FAM227A: variants seen among roughly 807,000 people sequenced by gnomAD.
FAM227A encodes protein FAM227A.
Under a neutral mutation model 74.7 loss-of-function variants are expected in FAM227A, and 80 were observed. The ratio of observed to expected loss-of-function variants is 1.07; its 90% confidence interval spans 0.89 to 1.29. The LOEUF is 1.29. FAM227A is among the 50% of genes most tolerant of loss of function. The probability of loss-of-function intolerance (pLI) is 0.00; values close to 1 mark genes in which losing one functional copy is unlikely to be tolerated. For synonymous variants in FAM227A, 237 were observed against 241.8 expected (o/e 0.98, Z 0.19); for missense variants, 654 against 683.4 (o/e 0.96, Z 0.48).
At chr22:38,606,638 T>C (rs560643208) in intron 12 of FAM227A, among the ~76,000 whole-genome samples, 1 of 152,310 alleles carries the variant, frequency 6.6e-6, no homozygotes, top group South Asian at 2.1e-4. Context: ...CCAGGGCGAA[T>C]TGCCAGGGGA....
intron 9 of FAM227A, among the ~76,000 whole-genome samples, chr22:38,623,616 T>C (rs577583263): frequency 2.0e-5 from 3 of 152,282 alleles, no homozygotes; most frequent in African/African-American, 7.2e-5. Context: ...GACCCTGCCC[T>C]ACGTGTCAGC....
Position 38,583,173 on chromosome 22 carries a change from T to TA in FAM227A, c.*2951_*2952insT. ...CGTTCTGGTTTCAGAAGACTATACT[T>TA]TTTTTTTTTTTTTTTTGAGATGGAG... On this transcript the variant is annotated 3_prime_UTR_variant, in exon 17 of 17. Transcript: ENST00000535113. 1 of 260,568 alleles carries TA rather than the reference T, an allele frequency of 3.8e-6. No individual in the cohort carries two copies. Among genetic ancestry groups the TA allele is most frequent in the South Asian group, 6.8e-5 (1 of 14,746 alleles). 16.1% of individuals were successfully genotyped at this position (260,568 alleles called of 1,614,324 possible).
intron 11 of FAM227A, among the ~76,000 whole-genome samples, chr22:38,616,154 G>A (rs574188394): frequency 6.6e-6 from 1 of 152,302 alleles, no homozygotes; most frequent in Admixed American, 6.5e-5. Flanking sequence ...AGCCAGTGAG[G>A]AAGGAAAACA....
At chr22:38,593,901 C>T (rs988457030) in intron 15 of FAM227A, among the ~76,000 whole-genome samples, 5 of 151,680 alleles carry the variant, frequency 3.3e-5, no homozygotes, top group South Asian at 2.1e-4. Flanking sequence ...CATGTTGGCC[C>T]GGCTGGTCTC....
chr22:38,650,061 C>A lies in FAM227A; in HGVS notation c.108G>T (p.Lys36Asn). Residue 36 changes from lysine (K) to asparagine (N), a missense_variant, in exon 2 of 17, where the codon AAG becomes AAT. Coordinates refer to ENST00000535113, the MANE Select transcript of FAM227A (RefSeq NM_001013647.2). ...VSLVARNTMV[K>N]TVRKELENNP... ...TGTTCTCTAACTCCTTCCTCACAGT[C>A]TTCACCATTGTATTCCGTGCGACAA... The A allele has an allele frequency of 6.4e-7, 1 of 1,552,216 alleles. No homozygotes were observed. The highest frequency in any genetic ancestry group is 1.4e-5 in the African/African-American group (1 of 73,154).
intron 15 of FAM227A, among the ~76,000 whole-genome samples, chr22:38,595,210 G>A (rs1165739137): frequency 6.6e-6 from 1 of 152,206 alleles, no homozygotes; most frequent in Non-Finnish European, 1.5e-5. Flanking sequence ...ATGGATAGCT[G>A]TCTAGCCAAT....
At chr22:38,591,397 G>C (rs747874122) in intron 16 of FAM227A, 38 bp downstream of exon 16, 15 of 1,540,704 alleles carry the variant, frequency 9.7e-6, no homozygotes, top group Non-Finnish European at 1.7e-6. Flanking sequence ...GTTTTTGTTC[G>C]AACAACCCTT....
At chr22:38,607,176 C>CAAAAA (rs528873313) in intron 12 of FAM227A, among the ~76,000 whole-genome samples, 1 of 55,604 alleles carries the variant, frequency 1.8e-5, no homozygotes, top group Non-Finnish European at 4.0e-5. Flanking sequence ...GACTTCATCT[C>CAAAAA]AAAAAAAAAA....
At chr22:38,606,945 G>A (rs1286471342) in intron 12 of FAM227A, among the ~76,000 whole-genome samples, 1 of 152,136 alleles carries the variant, frequency 6.6e-6, no homozygotes, top group Non-Finnish European at 1.5e-5. Flanking sequence ...TTGAGAGGCC[G>A]AGGCGGGAGG....
At chr22:38,628,956 G>T (rs5995602) in intron 6 of FAM227A, 21 bp from the exon 7 acceptor site, 1,216,762 of 1,286,248 alleles carry the variant, frequency 0.95, 575,791 homozygotes, top group African/African-American at 0.99. Context: ...AAAATTCACA[G>T]TATTATTATT....
chr22:38,646,248 CTTTTTTTTTTTTTTTTTTTT>C (rs1165890437), intron 2 of FAM227A, among the ~76,000 whole-genome samples: 1 of 82,394 alleles, frequency 1.2e-5, no homozygotes, highest in Non-Finnish European at 2.2e-5. Flanking sequence ...TCCAGTATTT[CTTTTTTTTTTTTTTTTTTTT>C]TTTTTTTTTG....
intron 11 of FAM227A, among the ~76,000 whole-genome samples, chr22:38,615,431 G>A (rs2146325133): frequency 6.6e-6 from 1 of 152,338 alleles, no homozygotes; most frequent in East Asian, 1.9e-4. Context: ...GACAGAGGCT[G>A]GCAGTCAGGG....
chr22:38,601,050 T>C (rs969677560), intron 13 of FAM227A, among the ~76,000 whole-genome samples: 1 of 152,158 alleles, frequency 6.6e-6, no homozygotes, highest in Non-Finnish European at 1.5e-5. Flanking sequence ...AAATATGTAT[T>C]GAGTGATTAC....
chr22:38,655,415 C>A (rs1328510696), intron 1 of FAM227A, among the ~76,000 whole-genome samples: 1 of 151,594 alleles, frequency 6.6e-6, no homozygotes, highest in Non-Finnish European at 1.5e-5. Flanking sequence ...CCTGTAATTC[C>A]AGCTACTTGG....
chr22:38,585,859 T>C lies in FAM227A; in HGVS notation c.*266A>G, dbSNP rs565138178. 5.0e-5 allele frequency: 36 copies of C among 714,858 alleles called. No individual in the cohort carries two copies. The highest frequency in any genetic ancestry group is 7.7e-5 in the Non-Finnish European group (35 of 457,326). The allele number at this position is 714,858 out of a possible 1,614,324, so 44.3% of individuals were successfully genotyped here. A position where few individuals can be genotyped will look rare whatever the true frequency, so the allele number is the denominator to read the frequency against. ...AGTTTTACCTTTGTATGAGGTCATA[T>C]TTGTAACATACTTACCAGCATGCAC... On this transcript the variant is annotated 3_prime_UTR_variant, in exon 17 of 17. Coordinates refer to ENST00000535113, the MANE Select transcript of FAM227A (RefSeq NM_001013647.2).
At position 38,612,856 on chromosome 22, in the gene FAM227A, C is replaced by A. The variant is rs939356435; in HGVS notation, c.1039-5380G>T. ...TTGGCCATCATTCTTGGCAGCATGG[C>A]CTCTGAAGCTAACACGGAGACTCTT... On this transcript the variant is annotated intron_variant, in intron 11 of 16. Coordinates refer to ENST00000535113, the MANE Select transcript of FAM227A (RefSeq NM_001013647.2). Among the ~76,000 whole-genome samples, 3 of 151,058 alleles carry A rather than the reference C, an allele frequency of 2.0e-5. 1 individual carries two copies. Among genetic ancestry groups the A allele is most frequent in the Non-Finnish European group, 1.5e-5 (1 of 67,922 alleles).
chr22:38,623,669 A>C (rs975077774), intron 9 of FAM227A, among the ~76,000 whole-genome samples: 2 of 152,188 alleles, frequency 1.3e-5, no homozygotes, highest in Non-Finnish European at 2.9e-5. Flanking sequence ...AGTCCCTGAC[A>C]TGCTTTGCAA....
At chr22:38,624,661 C>T (rs958345953) in intron 9 of FAM227A, among the ~76,000 whole-genome samples, 5 of 152,110 alleles carry the variant, frequency 3.3e-5, no homozygotes, top group Admixed American at 6.5e-5. Context: ...TGTGACGATC[C>T]CAATGAAAAC....
intron 6 of FAM227A, 71 bp downstream of exon 6, chr22:38,636,380 G>A (rs2092007080): frequency 1.3e-6 from 2 of 1,484,000 alleles, no homozygotes; most frequent in Non-Finnish European, 1.8e-6. Context: ...TTCTCCTGGG[G>A]TGTGAAAGGG....
Sources: allele counts gnomAD v4.1 joint callset (sites outside exome capture counted in the v4.1 genomes callset), GRCh38; gene constraint gnomAD v4.1.1; transcripts MANE v1.5; gene names NCBI Gene and HGNC (gene_info 2026-07-23, HGNC 2026-07-21).